GRID2: variants seen among roughly 807,000 people sequenced by gnomAD.
GRID2 encodes glutamate receptor ionotropic, delta-2.
GRID2 carries 33 observed loss-of-function variants against 114.8 expected under a neutral mutation model. The ratio of observed to expected loss-of-function variants is 0.29; its 90% CI spans 0.22 to 0.38. GRID2 has a LOEUF of 0.38. GRID2 is among the 10% of genes least tolerant of loss of function. The pLI, the probability that GRID2 is intolerant of heterozygous loss-of-function variation, is 1.00. For synonymous variants in GRID2, 505 were observed against 449.9 expected, an observed-to-expected ratio of 1.12 and a Z score of -1.55; for missense variants, 1,184 against 1,257.7, an observed-to-expected ratio of 0.94 and a Z score of 0.89.
chr4:92,920,672 G>A lies in GRID2; in HGVS notation c.245-164323G>A, dbSNP rs190234732. On this transcript the variant is annotated intron_variant, in intron 2 of 15. Coordinates refer to ENST00000282020, the MANE Select transcript of GRID2 (RefSeq NM_001510.4). ...CTTTTCTTTAAGAATGTTGAATATT[G>A]GCCCCCACTCTCTTCTGGCTTGTAG... Among the ~76,000 whole-genome samples the A allele has an allele frequency of 3.9e-3, 593 of 152,214 alleles. 8 individuals carry two copies. The highest frequency in any genetic ancestry group is 0.014 in the African/African-American group (570 of 41,540).
intron 14 of GRID2, among the ~76,000 whole-genome samples, chr4:93,716,645 G>A (rs1248639280): frequency 6.6e-6 from 1 of 151,652 alleles, no homozygotes; most frequent in Non-Finnish European, 1.5e-5. Flanking sequence ...GTAAATATAT[G>A]TGCTATATAT....
intron 14 of GRID2, among the ~76,000 whole-genome samples, chr4:93,637,488 A>C (rs1294059591): frequency 3.9e-5 from 6 of 152,190 alleles, no homozygotes; most frequent in Non-Finnish European, 8.8e-5. Flanking sequence ...GGAAAAGGAT[A>C]ATAAGGATCT....
intron 2 of GRID2, among the ~76,000 whole-genome samples, chr4:92,970,192 G>A (rs1034911054): frequency 8.6e-5 from 13 of 151,850 alleles, no homozygotes; most frequent in Non-Finnish European, 1.9e-4. Context: ...TGTGGTAGGA[G>A]CTCAGATTCC....
chr4:93,801,059 T>C (rs1346894497), intron 1 of GRID2, among the ~76,000 whole-genome samples: 1 of 152,316 alleles, frequency 6.6e-6, no homozygotes, highest in African/African-American at 2.4e-5. Flanking sequence ...TTCTATTTTT[T>C]CCCAGATCTA....
intron 13 of GRID2, among the ~76,000 whole-genome samples, chr4:93,600,828 C>T (rs1338310692): frequency 6.6e-6 from 1 of 152,170 alleles, no homozygotes; most frequent in Non-Finnish European, 1.5e-5. Context: ...GACCTCAATA[C>T]TGCAAGAAAT....
At chr4:92,829,286 T>C (rs1741939411) in intron 2 of GRID2, among the ~76,000 whole-genome samples, 1 of 152,060 alleles carries the variant, frequency 6.6e-6, no homozygotes, top group African/African-American at 2.4e-5. Context: ...CTTTCGTCAT[T>C]GCTTGTTTTT....
chr4:93,039,139 T>TA (rs1463172822), intron 2 of GRID2, among the ~76,000 whole-genome samples: 1 of 151,926 alleles, frequency 6.6e-6, no homozygotes, highest in African/African-American at 2.4e-5. Context: ...TATGCAACTG[T>TA]AAAAAAGGAT....
chr4:93,159,809 T>C lies in GRID2; in HGVS notation c.736-47595T>C, dbSNP rs1374186610. On this transcript the variant is annotated intron_variant, in intron 4 of 15. Coordinates refer to ENST00000282020, the MANE Select transcript of GRID2 (RefSeq NM_001510.4). ...AATCACTAGATGCATCAAATAAAAT[T>C]GAATTTTGAGTTACAAAGACAAGAT... Among the ~76,000 whole-genome samples, 6 of 151,612 alleles carry C rather than the reference T, an allele frequency of 4.0e-5. No homozygotes were observed. In the Admixed American group the frequency reaches 4.0e-4, roughly 10 times the overall value.
At position 93,180,310 on chromosome 4, in the gene GRID2, G is replaced by GA. The variant is rs530405127; in HGVS notation, c.736-27087dup. On this transcript the variant is annotated intron_variant, in intron 4 of 15. Transcript: ENST00000282020. ...GTAAGTGCAATAGTATGATGCCAAAGAAAAAAATGTACATAGGGCCATTAG... is the reference window on the plus strand; with the variant it reads ...GTAAGTGCAATAGTATGATGCCAAAGAAAAAAAATGTACATAGGGCCATTAG... 1.2e-4 allele frequency among the ~76,000 whole-genome samples: 18 copies of GA among 151,922 alleles called. No individual in the cohort carries two copies. In the South Asian group the frequency reaches 3.3e-3, roughly 28 times the overall value.
intron 11 of GRID2, among the ~76,000 whole-genome samples, chr4:93,465,191 G>A (rs2149425987): frequency 6.6e-6 from 1 of 152,272 alleles, no homozygotes; most frequent in Non-Finnish European, 1.5e-5. Context: ...CTGCTATTTA[G>A]CGTACTGCAA....
intron 10 of GRID2, among the ~76,000 whole-genome samples, chr4:93,452,672 T>C (rs1722795515): frequency 6.6e-6 from 1 of 152,050 alleles, no homozygotes. Flanking sequence ...CAGAAATAAG[T>C]ATGATTTTTA....
chr4:93,553,850 T>C (rs1734031785), intron 13 of GRID2, among the ~76,000 whole-genome samples: 1 of 152,220 alleles, frequency 6.6e-6, no homozygotes, highest in Non-Finnish European at 1.5e-5. Flanking sequence ...GATGTTAATC[T>C]TCTTAATCAT....
chr4:92,495,846 A>G (rs1210365165), intron 1 of GRID2, among the ~76,000 whole-genome samples: 2 of 151,922 alleles, frequency 1.3e-5, no homozygotes, highest in Non-Finnish European at 2.9e-5. Context: ...ATCAGAACAT[A>G]TTCCTATGCT....
At chr4:93,110,378 T>A (rs1406891521) in intron 3 of GRID2, among the ~76,000 whole-genome samples, 4 of 152,186 alleles carry the variant, frequency 2.6e-5, no homozygotes, top group Non-Finnish European at 5.9e-5. Context: ...AGGTTAATAT[T>A]ACTCTTTAAA....
chr4:93,473,386 A>G (rs72668753), intron 11 of GRID2, among the ~76,000 whole-genome samples: 2,226 of 152,272 alleles, frequency 0.015, 20 homozygotes, highest in South Asian at 0.056. Context: ...TTAAAATCAC[A>G]TAAGTTTTAA....
At chr4:93,565,217 G>A (rs1335605058) in intron 13 of GRID2, among the ~76,000 whole-genome samples, 1 of 151,764 alleles carries the variant, frequency 6.6e-6, no homozygotes, top group African/African-American at 2.4e-5. Flanking sequence ...TCTACCACAG[G>A]TAATAAAATA....
At chr4:92,485,346 A>AGTG (rs1722826570) in intron 1 of GRID2, among the ~76,000 whole-genome samples, 1 of 54,454 alleles carries the variant, frequency 1.8e-5, no homozygotes, top group Non-Finnish European at 3.9e-5. Context: ...ATATATATAT[A>AGTG]TAGTGTGTGT....
intron 1 of GRID2, among the ~76,000 whole-genome samples, chr4:93,799,242 A>G (rs1329432175): frequency 6.6e-6 from 1 of 152,204 alleles, no homozygotes; most frequent in Non-Finnish European, 1.5e-5. Flanking sequence ...GTATTTATTT[A>G]TGTGACTCTA....
intron 2 of GRID2, among the ~76,000 whole-genome samples, chr4:93,067,763 TA>T (rs200892535): frequency 1.7e-4 from 25 of 150,960 alleles, no homozygotes; most frequent in East Asian, 1.2e-3. Flanking sequence ...ACTGTGCCTG[TA>T]AAAAAAAATA....
Sources: gnomAD v4.1 joint callset for allele counts (sites outside exome capture counted in the v4.1 genomes callset) on GRCh38, gnomAD v4.1.1 for gene constraint, MANE v1.5 for transcripts, NCBI Gene and HGNC (gene_info 2026-07-23, HGNC 2026-07-21) for gene names.